The following ATE1 variants were observed in gnomAD, a reference collection of about 807,000 sequenced individuals.
ATE1 encodes the protein arginyl-tRNA--protein transferase 1.
A neutral mutation model predicts 70.5 loss-of-function variants in ATE1; 36 were observed. That is an observed-to-expected ratio of 0.51 (90% CI 0.39 to 0.67). The LOEUF (loss-of-function observed/expected upper bound fraction) is 0.67, where lower values mean the gene tolerates loss of function less well. Among genes scored for constraint, ATE1 ranks in the 30% least tolerant of loss-of-function variants. The probability of loss-of-function intolerance (pLI) is 0.00; values close to 1 mark genes in which losing one functional copy is unlikely to be tolerated. For missense variants in ATE1, 593 were observed against 629.5 expected (o/e 0.94, Z 0.62); for synonymous variants, 232 against 219.3 (o/e 1.06, Z -0.51).
At chr10:121,753,981 C>T (rs968411768) in intron 11 of ATE1, among the ~76,000 whole-genome samples, 10 of 152,064 alleles carry the variant, frequency 6.6e-5, no homozygotes, top group African/African-American at 2.4e-4. Context: ...AATAAATATA[C>T]TGAGAAAATG....
intron 10 of ATE1, among the ~76,000 whole-genome samples, chr10:121,809,075 G>A (rs898251733): frequency 2.6e-5 from 4 of 152,152 alleles, no homozygotes; most frequent in African/African-American, 9.7e-5. Context: ...ATGTTTTCTA[G>A]CATCACCACT....
chr10:121,908,546 A>G (rs548700154), intron 5 of ATE1, among the ~76,000 whole-genome samples: 1 of 152,338 alleles, frequency 6.6e-6, no homozygotes, highest in African/African-American at 2.4e-5. Context: ...TTTTTATGAG[A>G]AACAAACAGA....
intron 10 of ATE1, among the ~76,000 whole-genome samples, chr10:121,820,299 A>G (rs1165130395): frequency 1.3e-5 from 2 of 152,186 alleles, no homozygotes; most frequent in African/African-American, 4.8e-5. Flanking sequence ...GGGGTAGAGA[A>G]CGTCTTTTTG....
rs1306133669 is a variant in ATE1, at chr10:121,741,251, A to G, written c.*2429T>C. The stretch of plus-strand genomic sequence containing the variant: ...CTTTTCTAGTCCACTATCAGTATTC[A>G]CTCAGCTGGGGCTCAAAAGGACAAA... On this transcript the variant is annotated 3_prime_UTR_variant, in exon 12 of 12. Transcript: ENST00000224652. The G allele has an allele frequency of 6.6e-6, 1 of 152,164 alleles. No individual in the cohort carries two copies. Among genetic ancestry groups the G allele is most frequent in the Non-Finnish European group, 1.5e-5 (1 of 68,036 alleles). 9.4% of individuals were successfully genotyped at this position (152,164 alleles called of 1,614,324 possible).
chr10:121,854,305 T>C (rs1044472137), intron 8 of ATE1, among the ~76,000 whole-genome samples: 2 of 152,226 alleles, frequency 1.3e-5, no homozygotes, highest in East Asian at 1.9e-4. Flanking sequence ...TATTCTTAAA[T>C]GTTCTTTGTA....
chr10:121,823,008 C>T (rs564452415), intron 10 of ATE1, among the ~76,000 whole-genome samples: 6 of 152,108 alleles, frequency 3.9e-5, no homozygotes, highest in African/African-American at 1.4e-4. Flanking sequence ...GAGAAGAGGT[C>T]GGCCAGGCAT....
At chr10:121,855,017 C>T (rs1232526639) in intron 8 of ATE1, among the ~76,000 whole-genome samples, 6 of 152,138 alleles carry the variant, frequency 3.9e-5, no homozygotes, top group South Asian at 4.1e-4. Flanking sequence ...AAGACATGCC[C>T]GCAGCTGCAC....
Position 121,896,683 on chromosome 10 carries a change from C to T in ATE1, c.942+3183G>A, listed in dbSNP as rs564638210. Among the ~76,000 whole-genome samples the T allele has an allele frequency of 3.3e-5, 5 of 152,106 alleles. 1 individual carries two copies. The South Asian group carries it at 1.0e-3, about 32-fold the overall frequency. ...AATTAGCTGGGCATGGTGGCACACA[C>T]CTGTAATCCCAGAGACGCAGGGGTC... On this transcript the variant is annotated intron_variant, in intron 7 of 11. Transcript: ENST00000224652.
At chr10:121,928,037 G>C (rs1014456816), upstream of ATE1, 1 of 1,253,248 alleles carries the variant, frequency 8.0e-7, no homozygotes, top group East Asian at 3.4e-5. Flanking sequence ...GCGCCGCCCG[G>C]GAGCCTCCCG....
intron 10 of ATE1, among the ~76,000 whole-genome samples, chr10:121,796,149 AGACATCCTTT>A (rs1204369272): frequency 5.3e-5 from 8 of 152,168 alleles, no homozygotes; most frequent in Non-Finnish European, 1.2e-4. Flanking sequence ...GATGACTGCT[AGACATCCTTT>A]GCAAGTCCTC....
chr10:121,923,017 G>C (rs1319335526), intron 2 of ATE1, among the ~76,000 whole-genome samples: 1 of 152,116 alleles, frequency 6.6e-6, no homozygotes, highest in South Asian at 2.1e-4. Flanking sequence ...TAAGGTGACA[G>C]TCCTCATCAT....
intron 10 of ATE1, among the ~76,000 whole-genome samples, chr10:121,822,293 C>A (rs1177424691): frequency 1.3e-5 from 2 of 152,158 alleles, no homozygotes; most frequent in African/African-American, 4.8e-5. Flanking sequence ...AAACAAAGTA[C>A]ATTGAATGCT....
intron 8 of ATE1, among the ~76,000 whole-genome samples, chr10:121,844,518 T>A (rs1253050984): frequency 6.6e-6 from 1 of 152,186 alleles, no homozygotes; most frequent in African/African-American, 2.4e-5. Context: ...TATAGATGAT[T>A]TAGGAGCTGC....
intron 7 of ATE1, among the ~76,000 whole-genome samples, chr10:121,875,748 C>T (rs1229618197): frequency 1.3e-5 from 2 of 152,138 alleles, no homozygotes; most frequent in Non-Finnish European, 2.9e-5. Context: ...TACTATATAG[C>T]GGCCTCACCT....
At chr10:121,781,317 T>C (rs561774903) in intron 11 of ATE1, among the ~76,000 whole-genome samples, 1 of 152,302 alleles carries the variant, frequency 6.6e-6, no homozygotes, top group East Asian at 1.9e-4. Flanking sequence ...GCTTCCTACC[T>C]TTCTGATGCA....
chr10:121,889,949 C>T (rs11200220), intron 7 of ATE1, among the ~76,000 whole-genome samples: 20,074 of 152,060 alleles, frequency 0.13, 1,522 homozygotes, highest in East Asian at 0.19. Flanking sequence ...TCTTAGGAGA[C>T]GTATGCTTAG....
intron 10 of ATE1, among the ~76,000 whole-genome samples, chr10:121,802,964 CCAATA>C (rs1554896193): frequency 6.6e-6 from 1 of 152,122 alleles, no homozygotes; most frequent in Non-Finnish European, 1.5e-5. Flanking sequence ...AAAAAGCATA[CCAATA>C]CAATGGGGAA....
intron 11 of ATE1, among the ~76,000 whole-genome samples, chr10:121,784,443 G>A (rs1946124542): frequency 1.3e-5 from 2 of 152,112 alleles, no homozygotes; most frequent in South Asian, 2.1e-4. Flanking sequence ...GTTTCTTAGT[G>A]TTTTCACTAA....
chr10:121,880,549 A>C (rs955891938), intron 7 of ATE1, among the ~76,000 whole-genome samples: 2 of 150,692 alleles, frequency 1.3e-5, no homozygotes, highest in African/African-American at 4.9e-5. Context: ...TGTCACATAA[A>C]AGCCCACAAA....
Sources: gnomAD v4.1 joint callset for allele counts (sites outside exome capture counted in the v4.1 genomes callset) on GRCh38, gnomAD v4.1.1 for gene constraint, MANE v1.5 for transcripts, NCBI Gene and HGNC (gene_info 2026-07-23, HGNC 2026-07-21) for gene names.